Variants in NCKAP5 observed in about 807,000 individuals in gnomAD.
The protein encoded by NCKAP5 is NCK associated protein 5.
In NCKAP5, 92 loss-of-function variants were observed where a neutral mutation model predicts 167.0. The ratio of observed to expected loss-of-function variants is 0.55; its 90% CI spans 0.47 to 0.66. NCKAP5 has a LOEUF of 0.66. Among genes scored for constraint, NCKAP5 ranks in the 30% least tolerant of loss-of-function variants. The pLI, the probability that NCKAP5 is intolerant of heterozygous loss-of-function variation, is 0.00. For missense variants in NCKAP5, 2,378 were observed against 2,315.0 expected (o/e 1.03, Z -0.56); for synonymous variants, 891 against 877.4 (o/e 1.02, Z -0.27).
intron 3 of NCKAP5, among the ~76,000 whole-genome samples, chr2:133,475,686 C>T (rs929507570): frequency 3.3e-5 from 5 of 152,290 alleles, no homozygotes; most frequent in African/African-American, 1.2e-4. Flanking sequence ...AAATTTTAGC[C>T]ATGCTTTCCA....
At chr2:133,019,415 T>C (rs1267999213) in intron 6 of NCKAP5, among the ~76,000 whole-genome samples, 1 of 152,062 alleles carries the variant, frequency 6.6e-6, no homozygotes, top group East Asian at 1.9e-4. Flanking sequence ...TGGGGAATGA[T>C]AAAATGGAAG....
intron 6 of NCKAP5, among the ~76,000 whole-genome samples, chr2:133,093,599 G>C (rs755645738): frequency 3.9e-5 from 6 of 152,136 alleles, no homozygotes; most frequent in Non-Finnish European, 8.8e-5. Context: ...CACTAGCACA[G>C]AAAAGTTATC....
intron 6 of NCKAP5, among the ~76,000 whole-genome samples, chr2:133,029,251 T>C (rs1323074850): frequency 6.6e-6 from 1 of 152,198 alleles, no homozygotes; most frequent in Non-Finnish European, 1.5e-5. Context: ...GATAGGTATC[T>C]TATGTCAGAT....
chr2:133,195,132 T>G (rs2150096802), intron 5 of NCKAP5, among the ~76,000 whole-genome samples: 1 of 152,204 alleles, frequency 6.6e-6, no homozygotes, highest in South Asian at 2.1e-4. Flanking sequence ...GCCGCCTCAC[T>G]TACTTGTGCA....
intron 3 of NCKAP5, among the ~76,000 whole-genome samples, chr2:133,332,210 T>C (rs1682903857): frequency 6.6e-6 from 1 of 152,172 alleles, no homozygotes; most frequent in Admixed American, 6.6e-5. Context: ...ACATTTCCCC[T>C]TGAGTCATTT....
intron 7 of NCKAP5, among the ~76,000 whole-genome samples, chr2:132,979,786 A>G (rs1414148809): frequency 2.6e-5 from 4 of 151,792 alleles, no homozygotes; most frequent in Non-Finnish European, 5.9e-5. Flanking sequence ...TCAAAGACCA[A>G]CTCGACTCCC....
In NCKAP5 at chr2:132,785,441, A is replaced by C. The variant is rs200637605; in HGVS notation, c.1370T>G (p.Leu457Arg). Residue 457 changes from leucine to arginine, a missense_variant, in exon 14 of 20, where the codon CTG becomes CGG. By Grantham distance (102) the Leu-to-Arg change is moderately radical. Coordinates refer to ENST00000409261, the MANE Select transcript of NCKAP5 (RefSeq NM_207363.3). Reference sequence around the variant, plus strand: ...GTGGGGTTCCTTGCAGGGGCTCCCCAGGTCAGCTGTTTTGCAGGGGGGATA... The same window carrying C: ...GTGGGGTTCCTTGCAGGGGCTCCCCCGGTCAGCTGTTTTGCAGGGGGGATA... The part of the protein sequence containing the change: ...KEYPPCKTAD[L>R]GSPCKEPHKT... 4.8e-4 allele frequency: 767 copies of C among 1,613,700 alleles called. 1 individual carries two copies. Among genetic ancestry groups the C allele is most frequent in the Non-Finnish European group, 3.4e-4 (399 of 1,179,820 alleles).
intron 11 of NCKAP5, among the ~76,000 whole-genome samples, chr2:132,798,378 A>G (rs1486949269): frequency 6.6e-6 from 1 of 152,242 alleles, no homozygotes; most frequent in East Asian, 1.9e-4. Flanking sequence ...TGTAAGTTTT[A>G]AAGATTGAGA....
chr2:133,419,982 G>A (rs1022793036), intron 3 of NCKAP5, among the ~76,000 whole-genome samples: 4 of 152,170 alleles, frequency 2.6e-5, no homozygotes, highest in African/African-American at 9.7e-5. Flanking sequence ...TTGTATTCCA[G>A]TATTCTGAAG....
At chr2:132,882,023 T>A (rs1372143782) in intron 8 of NCKAP5, among the ~76,000 whole-genome samples, 2 of 152,230 alleles carry the variant, frequency 1.3e-5, no homozygotes, top group South Asian at 4.1e-4. Flanking sequence ...TCTGTTAGTA[T>A]GAAAACATCA....
intron 6 of NCKAP5, among the ~76,000 whole-genome samples, chr2:133,025,455 C>T (rs1366893198): frequency 6.6e-6 from 1 of 152,144 alleles, no homozygotes; most frequent in Non-Finnish European, 1.5e-5. Flanking sequence ...GGTGTAGGGG[C>T]TGGTGAATAA....
At chr2:132,902,920 C>G (rs1693737426) in intron 8 of NCKAP5, among the ~76,000 whole-genome samples, 1 of 152,164 alleles carries the variant, frequency 6.6e-6, no homozygotes, top group African/African-American at 2.4e-5. Flanking sequence ...ATGTAGGAGG[C>G]AGTGCAGAGT....
intron 7 of NCKAP5, among the ~76,000 whole-genome samples, chr2:132,986,025 G>A (rs377468228): frequency 2.6e-5 from 4 of 151,932 alleles, no homozygotes; most frequent in East Asian, 1.9e-4. Flanking sequence ...ACTCACTGCC[G>A]ATCTACATAT....
intron 16 of NCKAP5, among the ~76,000 whole-genome samples, chr2:132,765,275 T>C (rs1681352583): frequency 6.6e-6 from 1 of 151,910 alleles, no homozygotes; most frequent in Non-Finnish European, 1.5e-5. Context: ...CTAACAACTC[T>C]TCAAATTTGT....
chr2:133,617,716 T>C, the NCKAP5 span, among the ~76,000 whole-genome samples: 2 of 151,560 alleles, frequency 1.3e-5, no homozygotes, highest in East Asian at 3.9e-4. Flanking sequence ...ATCATGAAAA[T>C]GGCCATACTG....
chr2:133,451,817 C>T (rs1454745326), intron 3 of NCKAP5, among the ~76,000 whole-genome samples: 1 of 152,170 alleles, frequency 6.6e-6, no homozygotes, highest in Non-Finnish European at 1.5e-5. Flanking sequence ...CAAATGTATA[C>T]TTGATGAATG....
rs2076095875 is a variant in NCKAP5, at chr2:132,949,024, GAAA to G, written c.579+14693_579+14695del. On this transcript the variant is annotated intron_variant, in intron 8 of 19. Coordinates refer to ENST00000409261, the MANE Select transcript of NCKAP5 (RefSeq NM_207363.3). Reference sequence around the variant, plus strand: ...GAAATGAAAAGAAAAGAAAAGAAAAGAAAAGAAAAGAAAAGAAAAGAAAAGAAA... The same window carrying G: ...GAAATGAAAAGAAAAGAAAAGAAAAGAGAAAAGAAAAGAAAAGAAAAGAAA... 2.7e-5 allele frequency among the ~76,000 whole-genome samples: 4 copies of G among 149,702 alleles called. No individual in the cohort carries two copies. The South Asian group carries it at 8.5e-4, about 32-fold the overall frequency.
chr2:133,467,560 G>T (rs1259968873), intron 3 of NCKAP5, among the ~76,000 whole-genome samples: 3 of 150,136 alleles, frequency 2.0e-5, no homozygotes, highest in African/African-American at 7.4e-5. Flanking sequence ...TTTTTCTATT[G>T]ATTGGAATAG....
chr2:132,910,512 A>G (rs1167884485), intron 8 of NCKAP5, among the ~76,000 whole-genome samples: 2 of 152,170 alleles, frequency 1.3e-5, no homozygotes, highest in African/African-American at 4.8e-5. Flanking sequence ...AAGTGAAAAC[A>G]TGGAATGTTT....
Sources: gnomAD v4.1 joint callset for allele counts (sites outside exome capture counted in the v4.1 genomes callset) on GRCh38, gnomAD v4.1.1 for gene constraint, MANE v1.5 for transcripts, NCBI Gene and HGNC (gene_info 2026-07-23, HGNC 2026-07-21) for gene names.